OPCML: variants seen among roughly 807,000 people sequenced by gnomAD.
OPCML encodes opioid-binding protein/cell adhesion molecule.
In OPCML, 13 loss-of-function variants were observed where a neutral mutation model predicts 37.8. The ratio of observed to expected loss-of-function variants is 0.34; its 90% CI spans 0.22 to 0.55. The LOEUF (loss-of-function observed/expected upper bound fraction) is 0.55, where lower values mean the gene tolerates loss of function less well. Ranked by LOEUF, OPCML falls within the 20% of genes least tolerant of loss-of-function variation. OPCML has a pLI of 0.91. For synonymous variants in OPCML, 176 were observed against 168.8 expected (o/e 1.04, Z -0.33); for missense variants, 341 against 435.6 (o/e 0.78, Z 1.93).
intron 1 of OPCML, among the ~76,000 whole-genome samples, chr11:132,979,303 C>T (rs571142382): frequency 6.6e-6 from 1 of 152,328 alleles, no homozygotes; most frequent in South Asian, 2.1e-4. Context: ...TCCCCTGGCC[C>T]CCTTTCACTC....
chr11:132,568,079 C>G (rs563187857), intron 3 of OPCML, among the ~76,000 whole-genome samples: 1 of 150,684 alleles, frequency 6.6e-6, no homozygotes, highest in African/African-American at 2.4e-5. Context: ...TTTGATTAGT[C>G]AAGGTGAAAA....
intron 1 of OPCML, among the ~76,000 whole-genome samples, chr11:133,465,237 C>T (rs1242585516): frequency 2.0e-5 from 3 of 152,208 alleles, no homozygotes; most frequent in Non-Finnish European, 4.4e-5. Flanking sequence ...TCACTGCAAA[C>T]TCTGCTTCTG....
chr11:133,183,082 TTAA>T lies in OPCML; in HGVS notation c.62-240075_62-240073del, dbSNP rs528208974. ...ACTTTAAAATATGAATAAAATCTCA[TTAA>T]TAAAGCTTTCTCTGGGTCCACATCT... is the stretch of plus-strand genomic sequence containing the variant. On this transcript the variant is annotated intron_variant, in intron 1 of 7. Transcript: ENST00000524381. Among the ~76,000 whole-genome samples, 81 of 152,288 alleles carry T rather than the reference TTAA, an allele frequency of 5.3e-4. No individual in the cohort carries two copies. In the Middle Eastern group the frequency reaches 0.01, roughly 19 times the overall value.
intron 1 of OPCML, among the ~76,000 whole-genome samples, chr11:133,261,351 T>TC (rs1367641616): frequency 2.0e-5 from 3 of 152,102 alleles, no homozygotes; most frequent in African/African-American, 7.2e-5. Flanking sequence ...GGAATGTCTG[T>TC]CCCCCCCATC....
At chr11:133,204,924 A>G (rs1938997851) in intron 1 of OPCML, among the ~76,000 whole-genome samples, 1 of 140,830 alleles carries the variant, frequency 7.1e-6, no homozygotes, top group South Asian at 2.3e-4. Flanking sequence ...ACACATTTAG[A>G]TATGGTCTTT....
At chr11:132,825,434 A>T (rs1361176579) in intron 2 of OPCML, among the ~76,000 whole-genome samples, 1 of 152,102 alleles carries the variant, frequency 6.6e-6, no homozygotes, top group Non-Finnish European at 1.5e-5. Context: ...CACCTCCTCC[A>T]TTTGACAGGG....
At chr11:133,377,653 A>G (rs1160720084) in intron 1 of OPCML, among the ~76,000 whole-genome samples, 1 of 145,482 alleles carries the variant, frequency 6.9e-6, no homozygotes, top group Non-Finnish European at 1.5e-5. Flanking sequence ...AGGGTCTCCC[A>G]TTAGAGCAGA....
At chr11:132,494,413 C>A (rs1565611472) in intron 4 of OPCML, among the ~76,000 whole-genome samples, 1 of 152,110 alleles carries the variant, frequency 6.6e-6, no homozygotes, top group African/African-American at 2.4e-5. Flanking sequence ...CAAGTAAAAA[C>A]TGACCTAGTG....
intron 3 of OPCML, among the ~76,000 whole-genome samples, chr11:132,531,546 T>C (rs2096325047): frequency 6.6e-6 from 1 of 152,122 alleles, no homozygotes; most frequent in Non-Finnish European, 1.5e-5. Context: ...AAGCCAAGAG[T>C]AAAAAGTAGA....
intron 1 of OPCML, among the ~76,000 whole-genome samples, chr11:132,977,646 G>T (rs1164424278): frequency 6.6e-6 from 1 of 152,178 alleles, no homozygotes; most frequent in Admixed American, 6.5e-5. Context: ...AGCCCTGGGA[G>T]TTACTGTACC....
At chr11:132,918,370 G>A (rs1043358876) in intron 2 of OPCML, among the ~76,000 whole-genome samples, 10 of 152,084 alleles carry the variant, frequency 6.6e-5, no homozygotes, top group African/African-American at 1.2e-4. Flanking sequence ...TTCTTCTCAC[G>A]TCCATTTGTA....
intron 1 of OPCML, among the ~76,000 whole-genome samples, chr11:133,405,886 TG>T (rs1945514789): frequency 6.6e-6 from 1 of 152,174 alleles, no homozygotes; most frequent in Non-Finnish European, 1.5e-5. Context: ...AAACAAAACT[TG>T]GCAGAAAGTG....
intron 1 of OPCML, among the ~76,000 whole-genome samples, chr11:133,204,930 T>C (rs538330393): frequency 1.5e-5 from 2 of 135,682 alleles, no homozygotes; most frequent in African/African-American, 5.2e-5. Context: ...TTAGATATGG[T>C]CTTTGTCCTC....
intron 1 of OPCML, among the ~76,000 whole-genome samples, chr11:133,052,209 A>C (rs1047620695): frequency 6.6e-6 from 1 of 152,218 alleles, no homozygotes; most frequent in Non-Finnish European, 1.5e-5. Context: ...GGAGAATTAT[A>C]GTTAGGACGA....
At chr11:132,556,779 C>T (rs2096396595) in intron 3 of OPCML, among the ~76,000 whole-genome samples, 1 of 152,188 alleles carries the variant, frequency 6.6e-6, no homozygotes, top group Non-Finnish European at 1.5e-5. Flanking sequence ...CCTCCACTTC[C>T]TCTCCAAACC....
chr11:133,465,217 C>T (rs1234549435), intron 1 of OPCML, among the ~76,000 whole-genome samples: 1 of 152,200 alleles, frequency 6.6e-6, no homozygotes, highest in Non-Finnish European at 1.5e-5. Context: ...CCTCTGGCCC[C>T]TTCTTCACAT....
chr11:133,016,391 T>A (rs1947336138), intron 1 of OPCML, among the ~76,000 whole-genome samples: 1 of 152,214 alleles, frequency 6.6e-6, no homozygotes, highest in South Asian at 2.1e-4. Context: ...GGGCTGCTCA[T>A]GGACATTCCT....
intron 1 of OPCML, among the ~76,000 whole-genome samples, chr11:133,247,893 G>A (rs1048180292): frequency 3.9e-5 from 6 of 152,168 alleles, no homozygotes; most frequent in African/African-American, 1.4e-4. Context: ...ATAGGCATGA[G>A]CCACCGCACC....
intron 1 of OPCML, among the ~76,000 whole-genome samples, chr11:133,262,205 G>A (rs972593133): frequency 5.9e-5 from 9 of 152,110 alleles, no homozygotes; most frequent in Admixed American, 3.3e-4. Flanking sequence ...TGACGTTTTT[G>A]TGTGTGGTGA....
Sources: gnomAD v4.1 joint callset for allele counts (sites outside exome capture counted in the v4.1 genomes callset) on GRCh38, gnomAD v4.1.1 for gene constraint, MANE v1.5 for transcripts, NCBI Gene and HGNC (gene_info 2026-07-23, HGNC 2026-07-21) for gene names.